Variants in GALNT16 observed in about 807,000 individuals in gnomAD.
GALNT16 encodes the protein UDP-GalNAc:polypeptide N-acetylgalactosaminyltransferase-like protein 1.
GALNT16 carries 40 observed loss-of-function variants against 76.1 expected under a neutral mutation model. That is an observed-to-expected ratio of 0.53 (90% CI 0.41 to 0.68). GALNT16 has a LOEUF of 0.68. Ranked by LOEUF, GALNT16 falls within the 30% of genes least tolerant of loss-of-function variation. GALNT16 has a pLI of 0.00. For synonymous variants in GALNT16, 276 were observed against 285.2 expected (o/e 0.97, Z 0.32); for missense variants, 621 against 731.9 (o/e 0.85, Z 1.75).
chr14:69,377,006 G>A, the GALNT16 span, among the ~76,000 whole-genome samples: 5 of 152,184 alleles, frequency 3.3e-5, no homozygotes, highest in South Asian at 2.1e-4. Flanking sequence ...GTGTGTTTCC[G>A]TGTGTTCGGA....
At chr14:69,266,813 G>A (rs910770094) in intron 1 of GALNT16, among the ~76,000 whole-genome samples, 34 of 152,318 alleles carry the variant, frequency 2.2e-4, no homozygotes, top group Middle Eastern at 3.4e-3. Flanking sequence ...ACTGAGGCCA[G>A]CCCAGGACAG....
intron 6 of GALNT16, among the ~76,000 whole-genome samples, chr14:69,331,137 A>G (rs531308574): frequency 1.3e-5 from 2 of 152,262 alleles, no homozygotes; most frequent in Non-Finnish European, 2.9e-5. Context: ...TTGTAAGAGT[A>G]GCTTAAAAGA....
At chr14:69,290,713 A>G (rs2044677820) in intron 1 of GALNT16, among the ~76,000 whole-genome samples, 2 of 152,194 alleles carry the variant, frequency 1.3e-5, no homozygotes, top group African/African-American at 4.8e-5. Context: ...TGGGCTTGGA[A>G]CCATCTCAGT....
chr14:69,334,901 C>T (rs967777356), intron 9 of GALNT16, among the ~76,000 whole-genome samples: 1 of 152,042 alleles, frequency 6.6e-6, no homozygotes, highest in African/African-American at 2.4e-5. Context: ...TCCTTGGTGG[C>T]CTGTTCTTGC....
At chr14:69,273,400 C>A (rs982488848) in intron 1 of GALNT16, among the ~76,000 whole-genome samples, 3 of 152,186 alleles carry the variant, frequency 2.0e-5, no homozygotes, top group African/African-American at 7.2e-5. Context: ...GTGGAAGTGG[C>A]AGCCTGGAGC....
At chr14:69,377,978 T>C in the GALNT16 span, among the ~76,000 whole-genome samples, 30 of 152,146 alleles carry the variant, frequency 2.0e-4, no homozygotes, top group Non-Finnish European at 2.9e-4. Context: ...TTGACAATCA[T>C]ACTGAGAAAA....
intron 1 of GALNT16, among the ~76,000 whole-genome samples, chr14:69,293,676 G>A (rs539638461): frequency 3.1e-4 from 47 of 152,222 alleles, no homozygotes; most frequent in Admixed American, 7.2e-4. Flanking sequence ...TAACCTCTCC[G>A]TGCCCAGTTT....
intron 5 of GALNT16, among the ~76,000 whole-genome samples, chr14:69,327,511 C>A (rs1196265559): frequency 6.6e-6 from 1 of 152,212 alleles, no homozygotes; most frequent in Non-Finnish European, 1.5e-5. Flanking sequence ...AATATGCTGT[C>A]CCTGGATTTG....
the GALNT16 span, among the ~76,000 whole-genome samples, chr14:69,365,033 A>G: frequency 6.6e-6 from 1 of 152,220 alleles, no homozygotes; most frequent in African/African-American, 2.4e-5. Flanking sequence ...CTGGAATCCA[A>G]CGATGTCTGA....
chr14:69,314,926 T>C (rs192006418), intron 1 of GALNT16, among the ~76,000 whole-genome samples: 5 of 152,334 alleles, frequency 3.3e-5, no homozygotes, highest in African/African-American at 1.2e-4. Flanking sequence ...AGGTACCTGT[T>C]TTACTGGCAG....
chr14:69,305,045 C>T lies in GALNT16; in HGVS notation c.178-15666C>T, dbSNP rs371235680. ...GTTAATTTTTTTAAGAGCTTCCATA[C>T]TGTTTTCTGTAGCAGCTGCGCCATT... is the stretch of plus-strand genomic sequence containing the variant. On this transcript the variant is annotated intron_variant, in intron 1 of 14. Transcript: ENST00000448469. Among the ~76,000 whole-genome samples, 49 of 150,934 alleles carry T rather than the reference C, an allele frequency of 3.2e-4. 1 individual carries two copies. In the South Asian group the frequency reaches 0.01, roughly 32 times the overall value.
chr14:69,373,249 GAGTT>G, the GALNT16 span, among the ~76,000 whole-genome samples: 2 of 152,196 alleles, frequency 1.3e-5, no homozygotes, highest in Non-Finnish European at 2.9e-5. Context: ...GTAAAGGTGG[GAGTT>G]AGTATTACCA....
the GALNT16 span, among the ~76,000 whole-genome samples, chr14:69,376,356 C>A: frequency 3.3e-5 from 5 of 152,114 alleles, no homozygotes; most frequent in Non-Finnish European, 7.3e-5. Flanking sequence ...GTTTCCTCAC[C>A]CTGTATGAGC....
intron 2 of GALNT16, 128 bp downstream of exon 2, chr14:69,320,996 C>T (rs1177800949): frequency 6.1e-6 from 6 of 977,860 alleles, no homozygotes; most frequent in Admixed American, 2.6e-5. Flanking sequence ...GTGATTTAGA[C>T]ATTCAAAAAC....
intron 12 of GALNT16, among the ~76,000 whole-genome samples, chr14:69,342,560 T>A (rs1477920961): frequency 6.7e-6 from 1 of 148,518 alleles, no homozygotes; most frequent in Admixed American, 6.7e-5. Flanking sequence ...GAATCAACAA[T>A]AGGGGTTGGC....
At chr14:69,368,586 A>G in the GALNT16 span, among the ~76,000 whole-genome samples, 1 of 152,146 alleles carries the variant, frequency 6.6e-6, no homozygotes, top group Admixed American at 6.5e-5. Context: ...AGATCTCATT[A>G]CTTCTGCTGT....
intron 1 of GALNT16, among the ~76,000 whole-genome samples, chr14:69,271,208 G>A (rs958344069): frequency 2.6e-5 from 4 of 152,168 alleles, no homozygotes; most frequent in African/African-American, 7.2e-5. Context: ...AGAGAACACA[G>A]CGTCACCCAA....
At chr14:69,356,057 T>C (rs2045690445), downstream of GALNT16, 1 of 152,218 alleles carries the variant, frequency 6.6e-6, no homozygotes, top group Admixed American at 6.5e-5. Context: ...TCAGTGTGTT[T>C]GGTATTTGTG....
intron 12 of GALNT16, among the ~76,000 whole-genome samples, chr14:69,345,703 A>AGTGTGTGTGTGTGTGTGTGT (rs55871607): frequency 0.14 from 18,822 of 134,740 alleles, 1,879 homozygotes; most frequent in Non-Finnish European, 0.19. Flanking sequence ...ATAAGGTGTC[A>AGTGTGTGTGTGTGTGTGTGT]GTGTGTGTGT....
Sources: allele counts gnomAD v4.1 joint callset (sites outside exome capture counted in the v4.1 genomes callset), GRCh38; gene constraint gnomAD v4.1.1; transcripts MANE v1.5; gene names NCBI Gene and HGNC (gene_info 2026-07-23, HGNC 2026-07-21).